Variants in ABCB9 observed in about 807,000 individuals in gnomAD.
The protein encoded by ABCB9 is ATP binding cassette subfamily B member 9, also known as ABC-type oligopeptide transporter ABCB9.
Under a neutral mutation model 62.0 loss-of-function variants are expected in ABCB9, and 36 were observed. The observed-to-expected ratio is 0.58, with a 90% confidence interval of 0.45 to 0.77. The LOEUF (loss-of-function observed/expected upper bound fraction) is 0.77, where lower values mean the gene tolerates loss of function less well. Among genes scored for constraint, ABCB9 ranks in the 30% least tolerant of loss-of-function variants. ABCB9 has a pLI of 0.00. For missense variants in ABCB9, 943 were observed against 1,054.7 expected, an observed-to-expected ratio of 0.89 and a Z score of 1.47; for synonymous variants, 435 against 461.4, an observed-to-expected ratio of 0.94 and a Z score of 0.73.
downstream of ABCB9, among the ~76,000 whole-genome samples, chr12:122,920,441 G>A (rs951227038): frequency 6.6e-6 from 1 of 152,040 alleles, no homozygotes; most frequent in Non-Finnish European, 1.5e-5. Context: ...CCCCAGTCTA[G>A]GGAAAAGGTT....
Position 122,947,334 on chromosome 12 carries a change from G to A in ABCB9, c.1054-1112C>T, listed in dbSNP as rs73408862. On this transcript the variant is annotated intron_variant, in intron 5 of 11. Transcript: ENST00000280560. The surrounding 1 kb of genome is among the most constrained non-coding windows in gnomAD (Gnocchi z 6.0). ...GGGGAGGCTCGTGACCAGGAACTTC[G>A]GGAAGAGGTCCTACCTGTGTGGCTG... The A allele has an allele frequency of 0.045, 11,665 of 256,628 alleles. 703 individuals are homozygous for A. The highest frequency in any genetic ancestry group is 0.16 in the African/African-American group (7,001 of 44,752). The allele number at this position is 256,628 out of a possible 1,614,324, so 15.9% of individuals were successfully genotyped here.
intron 1 of ABCB9, among the ~76,000 whole-genome samples, chr12:122,961,062 TA>T (rs979003784): frequency 9.0e-5 from 12 of 133,290 alleles, no homozygotes; most frequent in East Asian, 6.4e-4. Flanking sequence ...ATCCTATCTC[TA>T]AAAAAAAAAA....
downstream of ABCB9, among the ~76,000 whole-genome samples, chr12:122,925,357 G>A (rs2034869321): frequency 6.6e-6 from 1 of 152,158 alleles, no homozygotes; most frequent in South Asian, 2.1e-4. Context: ...CAGTCTGGCA[G>A]TTCCTCAAAA....
Position 122,960,313 on chromosome 12 carries a change from G to A in ABCB9, c.-78C>T, listed in dbSNP as rs544782562. On this transcript the variant is annotated 5_prime_UTR_variant, in exon 2 of 12. Transcript: ENST00000280560. Reference sequence around the variant, plus strand: ...GCAAGGCCATCATCATCCACAGGGCGAGGCCAGGCCTGTAGGGACAACAGC... The same window carrying A: ...GCAAGGCCATCATCATCCACAGGGCAAGGCCAGGCCTGTAGGGACAACAGC... 165 of 1,533,622 alleles carry A rather than the reference G, an allele frequency of 1.1e-4. 3 individuals are homozygous for A. In the South Asian group the frequency reaches 1.7e-3, roughly 16 times the overall value.
At chr12:122,924,605 C>A (rs569910427), downstream of ABCB9, 367 of 1,420,690 alleles carry the variant, frequency 2.6e-4, 1 homozygote, top group African/African-American at 4.8e-3. Context: ...GGGAATACAG[C>A]AGTGATGAAG....
intron 1 of ABCB9, among the ~76,000 whole-genome samples, chr12:122,963,157 G>A (rs2036998439): frequency 6.6e-6 from 1 of 152,146 alleles, no homozygotes; most frequent in African/African-American, 2.4e-5. Flanking sequence ...AATTAGCCGA[G>A]CATGGTGGTG....
At chr12:122,920,395 A>G (rs2034718977), downstream of ABCB9, among the ~76,000 whole-genome samples, 1 of 151,348 alleles carries the variant, frequency 6.6e-6, no homozygotes, top group African/African-American at 2.4e-5. Flanking sequence ...GGTGGAAAAT[A>G]ATTTGGGTGG....
Position 122,947,596 on chromosome 12 carries a change from GAACCC to G in ABCB9, c.1053+1023_1053+1027del, listed in dbSNP as rs1434418449. 1.9e-5 allele frequency: 7 copies of G among 361,960 alleles called. No individual in the cohort carries two copies. The highest frequency in any genetic ancestry group is 1.5e-4 in the African/African-American group (7 of 47,756). The allele number at this position is 361,960 out of a possible 1,614,324, so 22.4% of individuals were successfully genotyped here. On this transcript the variant is annotated intron_variant, in intron 5 of 11. Transcript: ENST00000280560. This position sits in a 1 kb window ranked among gnomAD's most constrained non-coding sequence, Gnocchi z 6.0. ...CACAGGGTCACAGCCCTGCCTGTCTGAACCCAGCCTGTCTGTCCCTTAGGGCTCGG... is the reference window on the plus strand; with the variant it reads ...CACAGGGTCACAGCCCTGCCTGTCTGAGCCTGTCTGTCCCTTAGGGCTCGG...
chr12:122,948,653 C>A lies in ABCB9; in HGVS notation c.1024G>T (p.Val342Leu). 1.9e-6 allele frequency: 3 copies of A among 1,613,688 alleles called. No individual in the cohort carries two copies. The highest frequency in any genetic ancestry group is 2.5e-6 in the Non-Finnish European group (3 of 1,179,808). Residue 342 changes from valine to leucine, a missense_variant, in exon 5 of 12, where the codon GTG (valine) becomes TTG (leucine). Transcript: ENST00000280560. ...TAGTACTTGCCGTAGATGTTGGACA[C>A]CATCATGATGATGGGGAAGCCCATG... ...TFMGFPIIMM[V>L]SNIYGKYYKR...
At chr12:122,945,763 A>G (rs995053114) in intron 6 of ABCB9, among the ~76,000 whole-genome samples, 1 of 151,818 alleles carries the variant, frequency 6.6e-6, no homozygotes, top group Non-Finnish European at 1.5e-5. Context: ...CTGTGGTCCC[A>G]GCTATGCAGG....
chr12:122,972,571 C>T (rs573400842), intron 1 of ABCB9, among the ~76,000 whole-genome samples: 2 of 151,640 alleles, frequency 1.3e-5, no homozygotes, highest in Non-Finnish European at 2.9e-5. Context: ...AGTGCAGTGG[C>T]GCAATCTCGG....
chr12:122,933,303 C>T (rs2035288433), intron 10 of ABCB9, among the ~76,000 whole-genome samples: 1 of 152,188 alleles, frequency 6.6e-6, no homozygotes, highest in Non-Finnish European at 1.5e-5. Flanking sequence ...TGGCTCCCAG[C>T]ACTTTGGGAG....
intron 2 of ABCB9, among the ~76,000 whole-genome samples, chr12:122,957,987 T>C (rs369582945): frequency 3.4e-4 from 52 of 150,982 alleles, no homozygotes; most frequent in Admixed American, 1.2e-3. Context: ...CTGGCCAACA[T>C]GGTGAAACCC....
chr12:122,972,917 C>G (rs1029717093), intron 1 of ABCB9: 1 of 152,186 alleles, frequency 6.6e-6, no homozygotes, highest in Non-Finnish European at 1.5e-5. Context: ...ACATACGACT[C>G]TGGAATCAAG....
chr12:122,944,568 C>G lies in ABCB9; in HGVS notation c.1252-49G>C. ...TGGGTCGAGGGGACCTTAGATCCCC[C>G]ACCATCCCCATTCCCTGACCCATCC... is the stretch of plus-strand genomic sequence containing the variant. On this transcript the variant is annotated intron_variant, in intron 6 of 11. Transcript: ENST00000280560. The surrounding 1 kb of genome is among the most constrained non-coding windows in gnomAD (Gnocchi z 4.9). 1 of 1,601,778 alleles carries G rather than the reference C, an allele frequency of 6.2e-7. No homozygotes were observed. The highest frequency in any genetic ancestry group is 8.5e-7 in the Non-Finnish European group (1 of 1,173,020).
In ABCB9 at chr12:122,964,961, T is replaced by C. The variant is rs1342132450; in HGVS notation, c.-88+1326A>G. Among the ~76,000 whole-genome samples the C allele has an allele frequency of 2.0e-5, 3 of 152,154 alleles. No homozygotes were observed. The highest frequency in any genetic ancestry group is 7.2e-5 in the African/African-American group (3 of 41,428). On this transcript the variant is annotated intron_variant, in intron 1 of 11. Transcript: ENST00000280560. The surrounding 1 kb of genome is among the most constrained non-coding windows in gnomAD (Gnocchi z 4.7). ...GCAGAGAAGGCCAGAAGACGATAGA[T>C]AGCAGTTATTATGACGCTGCAACAG...
chr12:122,968,480 G>GT (rs2037234552), upstream of ABCB9, among the ~76,000 whole-genome samples: 2 of 152,314 alleles, frequency 1.3e-5, no homozygotes, highest in East Asian at 3.9e-4. Flanking sequence ...GAACCTTTAT[G>GT]TAACTACTAG....
At chr12:122,923,506 G>A (rs531279324) in intron 11 of ABCB9, among the ~76,000 whole-genome samples, 18 of 152,106 alleles carry the variant, frequency 1.2e-4, no homozygotes, top group African/African-American at 3.1e-4. Flanking sequence ...AGCCAGGATG[G>A]TCTCCATCTC....
chr12:122,940,339 G>C lies in ABCB9; in HGVS notation c.1570-55C>G. The C allele has an allele frequency of 6.6e-7, 1 of 1,511,536 alleles. No individual in the cohort carries two copies. The highest frequency in any genetic ancestry group is 1.3e-5 in the South Asian group (1 of 75,194). The allele number at this position is 1,511,536 out of a possible 1,614,324, so 93.6% of individuals were successfully genotyped here. A position where few individuals can be genotyped will look rare whatever the true frequency, so the allele number is the denominator to read the frequency against. ...GTTATCGGCTCAGGTCCCAGGACTGGATGCCCTGACCTTGGACACAGGTGG... is the reference window on the plus strand; with the variant it reads ...GTTATCGGCTCAGGTCCCAGGACTGCATGCCCTGACCTTGGACACAGGTGG... On this transcript the variant is annotated intron_variant, in intron 8 of 11. Coordinates refer to ENST00000280560, the MANE Select transcript of ABCB9 (RefSeq NM_019625.4). The surrounding 1 kb of genome is among the most constrained non-coding windows in gnomAD (Gnocchi z 4.8).
Sources: allele counts gnomAD v4.1 joint callset (sites outside exome capture counted in the v4.1 genomes callset), GRCh38; gene constraint gnomAD v4.1.1; non-coding constraint Gnocchi (gnomAD v3.1); transcripts MANE v1.5; gene names NCBI Gene and HGNC (gene_info 2026-07-23, HGNC 2026-07-21).